Variants in MCTP2 observed in about 807,000 individuals in gnomAD.
MCTP2 encodes the protein multiple C2 and transmembrane domain-containing protein 2.
Under a neutral mutation model 111.6 loss-of-function variants are expected in MCTP2, and 132 were observed. The observed-to-expected ratio is 1.18, with a 90% CI of 1.03 to 1.37. MCTP2 has a LOEUF of 1.37. Among genes scored for constraint, MCTP2 ranks in the 40% most tolerant of loss-of-function variants. The pLI is 0.00. For synonymous variants in MCTP2, 395 were observed against 387.7 expected, an observed-to-expected ratio of 1.02 and a Z score of -0.22; for missense variants, 1,183 against 1,067.9, an observed-to-expected ratio of 1.11 and a Z score of -1.50.
chr15:94,423,780 C>T (rs1231703048), intron 17 of MCTP2, among the ~76,000 whole-genome samples: 1 of 152,144 alleles, frequency 6.6e-6, no homozygotes, highest in Non-Finnish European at 1.5e-5. Context: ...TGCAGAATCA[C>T]ACTCAGTGTT....
chr15:94,245,238 A>C (rs185950353), intron 1 of MCTP2, among the ~76,000 whole-genome samples: 1 of 142,894 alleles, frequency 7.0e-6, no homozygotes, highest in Admixed American at 7.0e-5. Flanking sequence ...ATATGTATGT[A>C]TATATACACA....
At chr15:94,436,004 CAT>C (rs1024056105) in intron 17 of MCTP2, among the ~76,000 whole-genome samples, 9 of 152,262 alleles carry the variant, frequency 5.9e-5, no homozygotes, top group African/African-American at 1.2e-4. Flanking sequence ...AACTTTGTCA[CAT>C]GTCTTAGGGT....
chr15:94,278,703 G>GTTT (rs34094265), intron 1 of MCTP2, among the ~76,000 whole-genome samples: 14 of 151,668 alleles, frequency 9.2e-5, no homozygotes, highest in South Asian at 8.3e-4. Flanking sequence ...CTAACAGGTA[G>GTTT]TTTTTTTTGA....
intron 10 of MCTP2, among the ~76,000 whole-genome samples, chr15:94,364,724 T>TA (rs908790908): frequency 3.3e-5 from 5 of 152,062 alleles, no homozygotes; most frequent in East Asian, 1.9e-4. Context: ...CCTTTCTTGT[T>TA]AAAAAAAATT....
chr15:94,400,823 T>C lies in MCTP2; in HGVS notation c.1965+828T>C, dbSNP rs369761750. On this transcript the variant is annotated intron_variant, in intron 16 of 22. Coordinates refer to ENST00000357742, the MANE Select transcript of MCTP2 (RefSeq NM_001385001.1). ...AGCAGTTAAATATAAAGACGTCTTA[T>C]CATCCTTTTGTTTCCCATGAACTTC... Among the ~76,000 whole-genome samples the C allele has an allele frequency of 9.4e-4, 143 of 152,252 alleles. 1 individual carries two copies. The South Asian group carries it at 0.029, about 31-fold the overall frequency.
intron 1 of MCTP2, among the ~76,000 whole-genome samples, chr15:94,242,533 A>C (rs981095225): frequency 1.3e-5 from 2 of 152,018 alleles, no homozygotes; most frequent in African/African-American, 4.8e-5. Flanking sequence ...AACCAGGATA[A>C]GGATGAGAAA....
intron 4 of MCTP2, among the ~76,000 whole-genome samples, chr15:94,330,973 A>G (rs2077108029): frequency 6.6e-6 from 1 of 152,110 alleles, no homozygotes; most frequent in African/African-American, 2.4e-5. Context: ...AGCTCAAGCA[A>G]TCCACCTGCC....
intron 2 of MCTP2, 50 bp downstream of exon 2, chr15:94,298,780 CTT>C (rs770121341): frequency 2.4e-5 from 27 of 1,135,742 alleles, no homozygotes; most frequent in Middle Eastern, 2.8e-4. Context: ...CTCTCTCTCT[CTT>C]TCCCTCTCTT....
Position 94,315,579 on chromosome 15 carries a change from G to C in MCTP2, c.579G>C (p.Ala193=), listed in dbSNP as rs146431277. Residue 193 remains alanine, a synonymous_variant, in exon 4 of 23, where the codon GCG becomes GCC. Transcript: ENST00000357742. The stretch of plus-strand genomic sequence containing the variant: ...TGAGTAACCTCCCCAGCCCTTTTGC[G>C]TACCTCCTCACCATACACCTGAAGG... ...DGLSNLPSPF[A]YLLTIHLKEG... 35 of 1,614,102 alleles carry C rather than the reference G, an allele frequency of 2.2e-5. No homozygotes were observed. In the African/African-American group the frequency reaches 3.7e-4, roughly 17 times the overall value.
intron 12 of MCTP2, among the ~76,000 whole-genome samples, chr15:94,371,137 A>T (rs1205554159): frequency 1.3e-5 from 2 of 152,026 alleles, no homozygotes; most frequent in African/African-American, 4.8e-5. Context: ...AAAAAAAAAA[A>T]AGTTCTCCTC....
chr15:94,388,791 G>A (rs964361681), intron 14 of MCTP2, among the ~76,000 whole-genome samples: 10 of 152,174 alleles, frequency 6.6e-5, no homozygotes, highest in African/African-American at 2.2e-4. Flanking sequence ...CTGAAGCACC[G>A]AAAGGATCCT....
intron 1 of MCTP2, among the ~76,000 whole-genome samples, chr15:94,275,570 T>C (rs968373182): frequency 6.6e-6 from 1 of 150,816 alleles, no homozygotes; most frequent in African/African-American, 2.4e-5. Flanking sequence ...CTTTTTCTAT[T>C]GCATCATCTA....
chr15:94,324,872 AT>A (rs1210679029), intron 4 of MCTP2, among the ~76,000 whole-genome samples: 2 of 152,208 alleles, frequency 1.3e-5, no homozygotes, highest in Admixed American at 6.5e-5. Flanking sequence ...AAAAGTTAAA[AT>A]GACTGATTTA....
intron 19 of MCTP2, among the ~76,000 whole-genome samples, chr15:94,451,762 G>A (rs906433640): frequency 6.6e-6 from 1 of 152,316 alleles, no homozygotes; most frequent in Middle Eastern, 3.4e-3. Context: ...AGATGGAACT[G>A]CAGACGATCT....
intron 17 of MCTP2, among the ~76,000 whole-genome samples, chr15:94,409,785 A>G (rs115576897): frequency 0.015 from 2,237 of 151,724 alleles, 54 homozygotes; most frequent in African/African-American, 0.052. Flanking sequence ...ACACTGCTAG[A>G]TATTGAAATG....
At chr15:94,454,263 A>G (rs191538087) in intron 19 of MCTP2, among the ~76,000 whole-genome samples, 6 of 152,346 alleles carry the variant, frequency 3.9e-5, no homozygotes, top group African/African-American at 9.6e-5. Context: ...TGATGGAGCA[A>G]ATATTACAAC....
Position 94,455,227 on chromosome 15 carries a change from T to C in MCTP2, c.2251-2910T>C, listed in dbSNP as rs541383249. 2.6e-5 allele frequency among the ~76,000 whole-genome samples: 4 copies of C among 152,352 alleles called. No homozygotes were observed. The South Asian group carries it at 8.3e-4, about 32-fold the overall frequency. ...TTTAGAAGGCATTTACTTTTCAGCA[T>C]ATATTTTGTTAAATGTTCTAACATA... is the stretch of plus-strand genomic sequence containing the variant. On this transcript the variant is annotated intron_variant, in intron 19 of 22. Coordinates refer to ENST00000357742, the MANE Select transcript of MCTP2 (RefSeq NM_001385001.1).
In MCTP2 at chr15:94,356,242, G is replaced by T; in HGVS notation, c.1111G>T (p.Gly371Ter). 6.2e-7 allele frequency: 1 copy of T among 1,613,200 alleles called. No individual in the cohort carries two copies. Among genetic ancestry groups the T allele is most frequent in the South Asian group, 1.1e-5 (1 of 90,944 alleles). Residue 371 changes from glycine to a stop codon, truncating the protein, a stop_gained, in exon 9 of 23, where the codon GGA (glycine) becomes TGA (stop). Coordinates refer to ENST00000357742, the MANE Select transcript of MCTP2 (RefSeq NM_001385001.1). LOFTEE classifies it high-confidence loss of function. ...GTTGGAAGGGAAGAATGTCTCAGGA[G>T]GAAGCATGACAGAGATGTTTGTCCA... Reference protein sequence around the residue: ...TLLEGKNVSGGSMTEMFVQLK... With the variant: ...TLLEGKNVSG
At chr15:94,246,250 A>T (rs545988549) in intron 1 of MCTP2, among the ~76,000 whole-genome samples, 1 of 152,300 alleles carries the variant, frequency 6.6e-6, no homozygotes, top group South Asian at 2.1e-4. Flanking sequence ...AAGGTCAAGT[A>T]TTTGGAGCTG....
Sources: gnomAD v4.1 joint callset for allele counts (sites outside exome capture counted in the v4.1 genomes callset) on GRCh38, gnomAD v4.1.1 for gene constraint, MANE v1.5 for transcripts, NCBI Gene and HGNC (gene_info 2026-07-23, HGNC 2026-07-21) for gene names.